The following ARHGAP26 variants were observed in gnomAD, a reference collection of about 807,000 sequenced individuals.
The protein encoded by ARHGAP26 is Rho GTPase activating protein 26, also known as rho GTPase-activating protein 26.
A neutral mutation model predicts 104.8 loss-of-function variants in ARHGAP26; 38 were observed. The ratio of observed to expected loss-of-function variants is 0.36; its 90% CI spans 0.28 to 0.48. The LOEUF is 0.48. ARHGAP26 is among the 20% of genes least tolerant of loss of function. ARHGAP26 has a pLI of 0.99. For synonymous variants in ARHGAP26, 341 were observed against 340.0 expected, an observed-to-expected ratio of 1.00 and a Z score of -0.03; for missense variants, 704 against 947.9, an observed-to-expected ratio of 0.74 and a Z score of 3.38.
intron 5 of ARHGAP26, among the ~76,000 whole-genome samples, chr5:142,889,042 A>G (rs1758112737): frequency 6.6e-6 from 1 of 152,160 alleles, no homozygotes; most frequent in African/African-American, 2.4e-5. Flanking sequence ...TCTGTGGCCC[A>G]CACCATTCTG....
chr5:142,942,226 A>G (rs1490702640), intron 11 of ARHGAP26, among the ~76,000 whole-genome samples: 1 of 152,198 alleles, frequency 6.6e-6, no homozygotes, highest in Non-Finnish European at 1.5e-5. Context: ...TTGTACCAGA[A>G]TTTAGCTCAG....
At chr5:142,991,513 G>A (rs1775608953) in intron 11 of ARHGAP26, among the ~76,000 whole-genome samples, 2 of 152,140 alleles carry the variant, frequency 1.3e-5, no homozygotes, top group South Asian at 4.1e-4. Context: ...AGCTGGAAAT[G>A]CCGAAATCAC....
chr5:142,943,150 A>T (rs944792753), intron 11 of ARHGAP26, among the ~76,000 whole-genome samples: 1 of 152,218 alleles, frequency 6.6e-6, no homozygotes, highest in African/African-American at 2.4e-5. Flanking sequence ...GCTTTGGCTC[A>T]TAGTATCTGG....
intron 17 of ARHGAP26, among the ~76,000 whole-genome samples, chr5:143,096,605 G>C (rs1051164994): frequency 2.0e-5 from 3 of 151,778 alleles, no homozygotes; most frequent in Non-Finnish European, 2.9e-5. Context: ...TTCCTCCTTC[G>C]TTATTATATA....
intron 19 of ARHGAP26, among the ~76,000 whole-genome samples, chr5:143,135,978 G>A (rs1332090086): frequency 6.6e-6 from 1 of 152,196 alleles, no homozygotes; most frequent in South Asian, 2.1e-4. Context: ...GAATGAATGA[G>A]GCATCAGGCT....
chr5:143,039,559 G>A (rs1007163164), intron 13 of ARHGAP26, among the ~76,000 whole-genome samples: 4 of 151,328 alleles, frequency 2.6e-5, no homozygotes, highest in East Asian at 3.9e-4. Context: ...AGAAAAGACC[G>A]AGAATAAAAT....
chr5:143,228,186 G>T lies in ARHGAP26; in HGVS notation c.*5740G>T, dbSNP rs1811810627. 8.9e-6 allele frequency: 2 copies of T among 225,690 alleles called. No homozygotes were observed. The highest frequency in any genetic ancestry group is 1.1e-4 in the Admixed American group (2 of 17,564). 14.0% of individuals were successfully genotyped at this position (225,690 alleles called of 1,614,324 possible). ...AGCTTTCTTGGTTATCCAGATGCCA[G>T]AATCAACCTTGTATCTGACAATGCA... is the stretch of plus-strand genomic sequence containing the variant. On this transcript the variant is annotated 3_prime_UTR_variant, in exon 23 of 23. Coordinates refer to ENST00000645722, the MANE Select transcript of ARHGAP26 (RefSeq NM_001135608.3).
At chr5:142,892,471 C>CT (rs1562028600) in intron 5 of ARHGAP26, among the ~76,000 whole-genome samples, 1 of 152,006 alleles carries the variant, frequency 6.6e-6, no homozygotes, top group South Asian at 2.1e-4. Flanking sequence ...GATAATATCT[C>CT]TTTTCTAGGA....
chr5:143,228,468 G>A lies in ARHGAP26; in HGVS notation c.*6022G>A, dbSNP rs1811830176. On this transcript the variant is annotated 3_prime_UTR_variant, in exon 23 of 23. Coordinates refer to ENST00000645722, the MANE Select transcript of ARHGAP26 (RefSeq NM_001135608.3). The stretch of plus-strand genomic sequence containing the variant: ...ATTTATCAAACAATTACTGTCTACA[G>A]CTACATTTTTTGTTAACTTACTTAA... 1 of 219,908 alleles carries A rather than the reference G, an allele frequency of 4.5e-6. No individual in the cohort carries two copies. Among genetic ancestry groups the A allele is most frequent in the African/African-American group, 2.2e-5 (1 of 44,654 alleles). The allele number at this position is 219,908 out of a possible 1,614,324, so 13.6% of individuals were successfully genotyped here. A position where few individuals can be genotyped will look rare whatever the true frequency, so the allele number is the denominator to read the frequency against.
intron 20 of ARHGAP26, chr5:143,202,155 C>G (rs1203519560): frequency 6.6e-6 from 1 of 152,078 alleles, no homozygotes; most frequent in Non-Finnish European, 1.5e-5. Context: ...ATTAAGTTAG[C>G]TCTTCTTTTT....
intron 11 of ARHGAP26, among the ~76,000 whole-genome samples, chr5:142,935,246 C>T (rs1037867239): frequency 6.6e-6 from 1 of 152,168 alleles, no homozygotes; most frequent in Admixed American, 6.5e-5. Flanking sequence ...GTATTGGCTT[C>T]ATTTTCCAAC....
chr5:143,030,710 A>G (rs1290934559), intron 12 of ARHGAP26, among the ~76,000 whole-genome samples: 1 of 152,276 alleles, frequency 6.6e-6, no homozygotes, highest in Non-Finnish European at 1.5e-5. Context: ...GCCCCTCGGC[A>G]ACTCTCTCTA....
At chr5:143,213,132 A>G (rs1002940807) in intron 21 of ARHGAP26, among the ~76,000 whole-genome samples, 3 of 152,160 alleles carry the variant, frequency 2.0e-5, no homozygotes, top group African/African-American at 7.2e-5. Flanking sequence ...GCGACAGAGC[A>G]AGACTCCGTC....
chr5:143,123,177 G>T (rs1226860045), intron 18 of ARHGAP26, among the ~76,000 whole-genome samples: 1 of 152,194 alleles, frequency 6.6e-6, no homozygotes, highest in African/African-American at 2.4e-5. Flanking sequence ...TAGCCTATGT[G>T]ATCAATAGAA....
intron 12 of ARHGAP26, among the ~76,000 whole-genome samples, chr5:143,031,408 A>G (rs987990692): frequency 6.6e-5 from 10 of 152,334 alleles, no homozygotes; most frequent in African/African-American, 2.4e-4. Context: ...TGATTGAGGT[A>G]GGGACCAGGA....
intron 14 of ARHGAP26, among the ~76,000 whole-genome samples, chr5:143,052,256 G>A (rs1196780484): frequency 6.6e-6 from 1 of 152,236 alleles, no homozygotes; most frequent in Admixed American, 6.5e-5. Context: ...CGGATCTCGA[G>A]GTCAGGAGTT....
At position 143,027,683 on chromosome 5, in the gene ARHGAP26, T is replaced by A. The variant is rs577059083; in HGVS notation, c.1145-9513T>A. Among the ~76,000 whole-genome samples, 8 of 152,344 alleles carry A rather than the reference T, an allele frequency of 5.3e-5. No individual in the cohort carries two copies. The South Asian group carries it at 1.7e-3, about 32-fold the overall frequency. On this transcript the variant is annotated intron_variant, in intron 12 of 22. Transcript: ENST00000645722. The stretch of plus-strand genomic sequence containing the variant: ...GTGAACCTCTTGGAATCATCCCATA[T>A]GCCAAAGTGGAACAATCCAGCATTC...
Position 143,012,573 on chromosome 5 carries a change from ATATT to A in ARHGAP26, c.1108-1506_1108-1503del, listed in dbSNP as rs1562260123. ...CATACATATATATATATATATATAT[ATATT>A]ATGATCAGGTTCACCTTATGCCTTT... is the stretch of plus-strand genomic sequence containing the variant. On this transcript the variant is annotated intron_variant, in intron 11 of 22. Coordinates refer to ENST00000645722, the MANE Select transcript of ARHGAP26 (RefSeq NM_001135608.3). Among the ~76,000 whole-genome samples, 2 of 96,058 alleles carry A rather than the reference ATATT, an allele frequency of 2.1e-5. 1 individual carries two copies. Among genetic ancestry groups the A allele is most frequent in the African/African-American group, 6.4e-5 (2 of 31,182 alleles). The allele number at this position is 96,058 out of a possible 152,430, so 63.0% of individuals were successfully genotyped here.
intron 1 of ARHGAP26, among the ~76,000 whole-genome samples, chr5:142,849,263 T>C (rs1751050231): frequency 6.6e-6 from 1 of 152,210 alleles, no homozygotes; most frequent in East Asian, 1.9e-4. Flanking sequence ...TGTGGACTCT[T>C]GTGTTCTCAC....
Sources: gnomAD v4.1 joint callset for allele counts (sites outside exome capture counted in the v4.1 genomes callset) on GRCh38, gnomAD v4.1.1 for gene constraint, MANE v1.5 for transcripts, NCBI Gene and HGNC (gene_info 2026-07-23, HGNC 2026-07-21) for gene names.